The following PRR16 variants were observed in gnomAD, a reference collection of about 807,000 sequenced individuals.
The protein encoded by PRR16 is protein Largen.
In PRR16, 6 loss-of-function variants were observed where a neutral mutation model predicts 18.2. The ratio of observed to expected loss-of-function variants is 0.33; its 90% confidence interval spans 0.18 to 0.65. The LOEUF is 0.65. PRR16 is among the 30% of genes least tolerant of loss of function. The pLI is 0.74. For missense variants in PRR16, 412 were observed against 376.6 expected (o/e 1.09, Z -0.78); for synonymous variants, 151 against 147.8 (o/e 1.02, Z -0.16).
At chr5:120,727,531 C>A in the PRR16 span, among the ~76,000 whole-genome samples, 7 of 152,070 alleles carry the variant, frequency 4.6e-5, no homozygotes, top group Non-Finnish European at 8.8e-5. Flanking sequence ...CCAGCAGATA[C>A]CCATTTTAGA....
intron 1 of PRR16, among the ~76,000 whole-genome samples, chr5:120,598,808 A>T (rs1263323570): frequency 1.3e-5 from 2 of 151,950 alleles, no homozygotes; most frequent in East Asian, 3.9e-4. Context: ...TATATGCCAC[A>T]TTTTTTTATC....
intron 1 of PRR16, among the ~76,000 whole-genome samples, chr5:120,665,910 C>G (rs905637196): frequency 2.3e-4 from 35 of 152,064 alleles, no homozygotes; most frequent in Non-Finnish European, 3.4e-4. Flanking sequence ...CAGCTTTGTT[C>G]TTTTGGCTTA....
At chr5:120,474,338 C>T (rs576252019) in intron 1 of PRR16, among the ~76,000 whole-genome samples, 1 of 152,226 alleles carries the variant, frequency 6.6e-6, no homozygotes, top group African/African-American at 2.4e-5. Flanking sequence ...GCATCTACAA[C>T]TAGATGCCAG....
rs188222981 is a variant in PRR16 at position 120,637,930 on chromosome 5, A to C, written c.160-48024A>C. Among the ~76,000 whole-genome samples, 127 of 152,286 alleles carry C rather than the reference A, an allele frequency of 8.3e-4. 1 individual carries two copies. Among genetic ancestry groups the C allele is most frequent in the African/African-American group, 2.9e-3 (122 of 41,576 alleles). On this transcript the variant is annotated intron_variant, in intron 1 of 1. Coordinates refer to ENST00000407149, the MANE Select transcript of PRR16 (RefSeq NM_001300783.2). ...TAATAGTAACCTTTTGTAAAATACA[A>C]GTTGAGTATCCCTTATCTGAAATGC...
intron 1 of PRR16, among the ~76,000 whole-genome samples, chr5:120,485,703 G>C (rs991085991): frequency 1.3e-5 from 2 of 151,926 alleles, no homozygotes; most frequent in African/African-American, 4.8e-5. Flanking sequence ...CAACGTGCAG[G>C]TTAGTTACAT....
chr5:120,758,947 T>C, the PRR16 span, among the ~76,000 whole-genome samples: 1 of 151,790 alleles, frequency 6.6e-6, no homozygotes, highest in Non-Finnish European at 1.5e-5. Flanking sequence ...ATTGAAGAGT[T>C]GTACATTGAT....
At chr5:120,643,692 T>C (rs573385472) in intron 1 of PRR16, among the ~76,000 whole-genome samples, 2 of 152,184 alleles carry the variant, frequency 1.3e-5, no homozygotes, top group South Asian at 4.2e-4. Flanking sequence ...AACTAGAGAA[T>C]TGAAGATAAC....
the PRR16 span, among the ~76,000 whole-genome samples, chr5:120,704,831 C>T: frequency 6.6e-6 from 1 of 152,136 alleles, no homozygotes; most frequent in Admixed American, 6.5e-5. Context: ...AGTATATAGT[C>T]AGTACTTATG....
At chr5:120,744,382 G>T in the PRR16 span, among the ~76,000 whole-genome samples, 4 of 152,196 alleles carry the variant, frequency 2.6e-5, no homozygotes, top group East Asian at 1.9e-4. Context: ...CAATCTTTCA[G>T]TTCCACAGGG....
At chr5:120,616,929 A>G (rs1313100201) in intron 1 of PRR16, among the ~76,000 whole-genome samples, 2 of 151,738 alleles carry the variant, frequency 1.3e-5, no homozygotes, top group African/African-American at 4.8e-5. Context: ...TTCTGTGTTC[A>G]CTCTTCTCTT....
At chr5:120,755,203 TA>T in the PRR16 span, among the ~76,000 whole-genome samples, 511 of 151,584 alleles carry the variant, frequency 3.4e-3, 4 homozygotes, top group Non-Finnish European at 5.5e-3. Context: ...TAATAAAATT[TA>T]AAAAAAATCT....
intron 1 of PRR16, among the ~76,000 whole-genome samples, chr5:120,515,086 T>C (rs1363571771): frequency 6.6e-6 from 1 of 152,178 alleles, no homozygotes; most frequent in African/African-American, 2.4e-5. Context: ...GTTCTGGAGG[T>C]TGAGAAGGCC....
At chr5:120,531,952 G>T (rs141746399) in intron 1 of PRR16, among the ~76,000 whole-genome samples, 2,354 of 152,234 alleles carry the variant, frequency 0.015, 22 homozygotes, top group Middle Eastern at 0.13. Context: ...TATCCAACTT[G>T]TTAATAGTTA....
chr5:120,713,658 C>T, the PRR16 span, among the ~76,000 whole-genome samples: 1 of 152,148 alleles, frequency 6.6e-6, no homozygotes, highest in Non-Finnish European at 1.5e-5. Flanking sequence ...CATAGCTCCA[C>T]AGTGACCCAG....
intron 1 of PRR16, among the ~76,000 whole-genome samples, chr5:120,643,812 G>A (rs982169529): frequency 8.6e-5 from 13 of 151,918 alleles, no homozygotes; most frequent in African/African-American, 3.1e-4. Context: ...CAAGACCAAC[G>A]TGGCCAACAT....
At chr5:120,475,206 T>C (rs1261167711) in intron 1 of PRR16, among the ~76,000 whole-genome samples, 3 of 152,054 alleles carry the variant, frequency 2.0e-5, no homozygotes, top group African/African-American at 7.2e-5. Context: ...AGTGTTGGAG[T>C]TGAACTCCTG....
intron 1 of PRR16, among the ~76,000 whole-genome samples, chr5:120,491,291 A>G (rs544995147): frequency 6.6e-6 from 1 of 152,060 alleles, no homozygotes; most frequent in Non-Finnish European, 1.5e-5. Flanking sequence ...CTTGAGATTA[A>G]TTTTCTGGGA....
chr5:120,537,351 G>T (rs954379147), intron 1 of PRR16, among the ~76,000 whole-genome samples: 6 of 152,106 alleles, frequency 3.9e-5, no homozygotes, highest in Admixed American at 2.6e-4. Context: ...AGCACTTTTG[G>T]AAGAGGTGTT....
At chr5:120,551,129 G>A (rs571592610) in intron 1 of PRR16, among the ~76,000 whole-genome samples, 116 of 152,008 alleles carry the variant, frequency 7.6e-4, no homozygotes, top group African/African-American at 2.5e-3. Flanking sequence ...ACTGTGCTGT[G>A]CATTAGGGTT....
Sources: allele counts gnomAD v4.1 joint callset (sites outside exome capture counted in the v4.1 genomes callset), GRCh38; gene constraint gnomAD v4.1.1; transcripts MANE v1.5; gene names NCBI Gene and HGNC (gene_info 2026-07-23, HGNC 2026-07-21).